ADCY10: variants seen among roughly 807,000 people sequenced by gnomAD.
ADCY10 encodes adenylate cyclase type 10.
ADCY10 carries 156 observed loss-of-function variants against 183.3 expected under a neutral mutation model. The ratio of observed to expected loss-of-function variants is 0.85; its 90% CI spans 0.75 to 0.97. The LOEUF is 0.97. ADCY10 is among the 50% of genes least tolerant of loss of function. The pLI, the probability that ADCY10 is intolerant of heterozygous loss-of-function variation, is 0.00. For missense variants in ADCY10, 1,745 were observed against 1,934.3 expected (o/e 0.90, Z 1.84); for synonymous variants, 645 against 670.0 (o/e 0.96, Z 0.58).
At chr1:167,819,994 G>A in intron 30 of ADCY10, 1 of 1,524,322 alleles carries the variant, frequency 6.6e-7, no homozygotes, top group Non-Finnish European at 9.1e-7. Flanking sequence ...CAAAGTGGAT[G>A]ACTCTCCTTG....
At chr1:167,858,539 T>C (rs1666068461) in intron 16 of ADCY10, among the ~76,000 whole-genome samples, 1 of 147,786 alleles carries the variant, frequency 6.8e-6, no homozygotes, top group South Asian at 2.2e-4. Context: ...CACGATTTCC[T>C]GAGGGAGAGA....
At chr1:167,826,407 C>T (rs1290801565) in intron 26 of ADCY10, among the ~76,000 whole-genome samples, 1 of 152,220 alleles carries the variant, frequency 6.6e-6, no homozygotes, top group East Asian at 1.9e-4. Context: ...TGGAAACCAC[C>T]CTCTGGCTCT....
At chr1:167,825,237 C>T (rs1283874111) in intron 26 of ADCY10, among the ~76,000 whole-genome samples, 1 of 151,854 alleles carries the variant, frequency 6.6e-6, no homozygotes, top group African/African-American at 2.4e-5. Flanking sequence ...TTACTTTATG[C>T]ACCTCTGTGA....
At chr1:167,868,917 G>A (rs183922850) in intron 14 of ADCY10, among the ~76,000 whole-genome samples, 11 of 152,230 alleles carry the variant, frequency 7.2e-5, no homozygotes, top group Admixed American at 7.2e-4. Flanking sequence ...GTCAAGCCTT[G>A]ACTATTCTGG....
intron 32 of ADCY10, 31 bp from the exon 33 acceptor site, chr1:167,809,870 A>G (rs749552476): frequency 6.2e-7 from 1 of 1,609,558 alleles, no homozygotes; most frequent in Non-Finnish European, 8.5e-7. Context: ...CAAAGAAATC[A>G]TTAGTGCTTC....
chr1:167,843,792 C>T (rs1664820622), intron 21 of ADCY10, among the ~76,000 whole-genome samples: 1 of 152,076 alleles, frequency 6.6e-6, no homozygotes, highest in Admixed American at 6.6e-5. Flanking sequence ...TGTTCTATGT[C>T]CTCTGATTCT....
rs746772332 is a variant in ADCY10, at chr1:167,833,169, G to T, written c.3418-7C>A. 2 of 1,613,610 alleles carry T rather than the reference G, an allele frequency of 1.2e-6. No homozygotes were observed. The highest frequency in any genetic ancestry group is 2.2e-5 in the South Asian group (2 of 91,070). ...GGCCCATATTGAAACAGACCTACAG[G>T]GAGGTGGGAGGGAAGAGAGGAAAAG... On this transcript the variant is annotated splice_region_variant and splice_polypyrimidine_tract_variant and intron_variant, in intron 24 of 32. Transcript: ENST00000367851.
At chr1:167,815,416 T>C (rs926461973) in intron 31 of ADCY10, among the ~76,000 whole-genome samples, 3 of 152,122 alleles carry the variant, frequency 2.0e-5, no homozygotes, top group Non-Finnish European at 4.4e-5. Context: ...GGAAGAGGAA[T>C]ACCCAACTAA....
At chr1:167,913,678 T>C (rs1161669678) in intron 1 of ADCY10, among the ~76,000 whole-genome samples, 1 of 150,888 alleles carries the variant, frequency 6.6e-6, no homozygotes, top group Non-Finnish European at 1.5e-5. Context: ...AGGTAGGCAC[T>C]TGGTAGTTGT....
intron 30 of ADCY10, chr1:167,819,794 A>T (rs1662768975): frequency 3.8e-6 from 2 of 532,720 alleles, no homozygotes; most frequent in African/African-American, 3.9e-5. Context: ...TGAACTCCCG[A>T]CCTCAGGTGA....
At chr1:167,852,526 T>C (rs1218704009) in intron 18 of ADCY10, among the ~76,000 whole-genome samples, 1 of 152,092 alleles carries the variant, frequency 6.6e-6, no homozygotes, top group Admixed American at 6.5e-5. Flanking sequence ...AATTTAGAAA[T>C]AGTATTTACT....
At chr1:167,813,368 A>G (rs1662335274) in intron 31 of ADCY10, among the ~76,000 whole-genome samples, 1 of 151,844 alleles carries the variant, frequency 6.6e-6, no homozygotes, top group African/African-American at 2.4e-5. Flanking sequence ...TAAAAAAACA[A>G]AAAAAAACCC....
At chr1:167,835,814 C>T (rs748116681) in intron 23 of ADCY10, among the ~76,000 whole-genome samples, 8 of 152,074 alleles carry the variant, frequency 5.3e-5, no homozygotes, top group Non-Finnish European at 1.0e-4. Flanking sequence ...GGCTTGATCC[C>T]GGGAGGCAGA....
At chr1:167,869,567 T>C (rs129718) in intron 14 of ADCY10, among the ~76,000 whole-genome samples, 13,435 of 152,028 alleles carry the variant, frequency 0.088, 1,812 homozygotes, top group African/African-American at 0.3. Flanking sequence ...GACCTAAGCC[T>C]GGTAGTTAAA....
In ADCY10 at chr1:167,856,428, C is replaced by T. The variant is rs1274594504; in HGVS notation, c.1908G>A (p.Glu636=). ...FMKILKLIVK[E]ERIIFIIDEA... ...CATCAATGATAAAAATAATCCTTTC[C>T]TCTTTCACTATCTGGACAAGATGCA... The change falls in exon 17 of 33, where the codon GAG becomes GAA. Residue 636 remains glutamate, a synonymous_variant. Coordinates refer to ENST00000367851, the MANE Select transcript of ADCY10 (RefSeq NM_018417.6). 1 of 1,614,168 alleles carries T rather than the reference C, an allele frequency of 6.2e-7. No homozygotes were observed.
intron 21 of ADCY10, 43 bp downstream of exon 21, chr1:167,845,520 T>A: frequency 1.2e-6 from 2 of 1,602,342 alleles, no homozygotes; most frequent in South Asian, 1.1e-5. Flanking sequence ...GTCTCTAGAT[T>A]TCCCAAGAAC....
intron 1 of ADCY10, among the ~76,000 whole-genome samples, chr1:167,909,490 A>ATGGCTT (rs1241937837): frequency 1.3e-5 from 2 of 152,216 alleles, no homozygotes; most frequent in African/African-American, 2.4e-5. Context: ...GCGGTCCAGG[A>ATGGCTT]TGGCTTTGAA....
At position 167,859,842 on chromosome 1, in the gene ADCY10, G is replaced by T; in HGVS notation, c.1861C>A (p.Gln621Lys). ...SRMSTLKKQK[Q>K]LEILFMKILK... ...ATCTTCATAAACAATATTTCCAATT[G>T]TTTTTGCTTTTTCAAGGTGCTCATC... The change falls in exon 16 of 33, where the codon CAA becomes AAA. Residue 621 changes from glutamine (Q) to lysine (K), a missense_variant. Coordinates refer to ENST00000367851, the MANE Select transcript of ADCY10 (RefSeq NM_018417.6). 6.2e-7 allele frequency: 1 copy of T among 1,613,678 alleles called. No individual in the cohort carries two copies. Among genetic ancestry groups the T allele is most frequent in the Non-Finnish European group, 8.5e-7 (1 of 1,179,688 alleles).
intron 21 of ADCY10, among the ~76,000 whole-genome samples, chr1:167,843,576 C>T (rs1466793393): frequency 4.6e-5 from 7 of 152,120 alleles, no homozygotes; most frequent in Non-Finnish European, 1.0e-4. Context: ...CTCATTCTAG[C>T]AGTCCACACC....
Sources: allele counts gnomAD v4.1 joint callset (sites outside exome capture counted in the v4.1 genomes callset), GRCh38; gene constraint gnomAD v4.1.1; transcripts MANE v1.5; gene names NCBI Gene and HGNC (gene_info 2026-07-23, HGNC 2026-07-21).